The following PPFIBP2 variants were observed in gnomAD, a reference collection of about 807,000 sequenced individuals.
PPFIBP2 encodes the protein liprin-beta-2.
A neutral mutation model predicts 118.3 loss-of-function variants in PPFIBP2; 118 were observed. That is an observed-to-expected ratio of 1.00 (90% CI 0.86 to 1.16). PPFIBP2 has a LOEUF of 1.16. PPFIBP2 is among the 50% of genes most tolerant of loss of function. The pLI, the probability that PPFIBP2 is intolerant of heterozygous loss-of-function variation, is 0.00. For missense variants in PPFIBP2, 1,195 were observed against 1,073.1 expected (o/e 1.11, Z -1.59); for synonymous variants, 414 against 397.4 (o/e 1.04, Z -0.50).
At chr11:7,599,797 A>ATT (rs1200161212) in intron 5 of PPFIBP2, among the ~76,000 whole-genome samples, 1,965 of 117,364 alleles carry the variant, frequency 0.017, 42 homozygotes, top group African/African-American at 0.026. Context: ...CGCCCGGCTA[A>ATT]TTTTTTTTTT....
chr11:7,655,572 G>C, downstream of PPFIBP2: 2 of 1,176,486 alleles, frequency 1.7e-6, no homozygotes, highest in Non-Finnish European at 2.3e-6. Flanking sequence ...GGTGTGGTGT[G>C]GTATGCACAA....
At chr11:7,561,553 G>A (rs1171797229) in intron 2 of PPFIBP2, among the ~76,000 whole-genome samples, 1 of 152,070 alleles carries the variant, frequency 6.6e-6, no homozygotes, top group East Asian at 1.9e-4. Flanking sequence ...TTTTTTAAGT[G>A]TGTAATCTTT....
intron 2 of PPFIBP2, among the ~76,000 whole-genome samples, chr11:7,549,770 G>A (rs1293818776): frequency 1.3e-5 from 2 of 152,096 alleles, no homozygotes; most frequent in Admixed American, 6.5e-5. Context: ...CAGTGTGGAT[G>A]TACCTACCAT....
At position 7,651,888 on chromosome 11, in the gene PPFIBP2, G is replaced by T. The variant is rs779757900; in HGVS notation, c.2436+44G>T. 6.4e-6 allele frequency: 10 copies of T among 1,555,286 alleles called. No individual in the cohort carries two copies. The South Asian group carries it at 1.2e-4, about 18-fold the overall frequency. On this transcript the variant is annotated intron_variant, in intron 23 of 23. Transcript: ENST00000299492. The stretch of plus-strand genomic sequence containing the variant: ...CTGGGTGGGCCCTGGGCTGCCTCCT[G>T]GCCCTCACGCAGCACAGCACCTGGC...
At chr11:7,613,551 T>C (rs1326469600) in intron 6 of PPFIBP2, among the ~76,000 whole-genome samples, 2 of 152,126 alleles carry the variant, frequency 1.3e-5, no homozygotes, top group African/African-American at 2.4e-5. Flanking sequence ...ATTGGGTGAA[T>C]TAGACGTATT....
chr11:7,575,873 G>C lies in PPFIBP2; in HGVS notation c.279+10106G>C, dbSNP rs193221809. ...GAGCAGGGCCAGAGGTGAGGAGCAAGGGGCTAGAGCTCAGCGCATGGGCAG... is the reference window on the plus strand; with the variant it reads ...GAGCAGGGCCAGAGGTGAGGAGCAACGGGCTAGAGCTCAGCGCATGGGCAG... On this transcript the variant is annotated intron_variant, in intron 3 of 23. Coordinates refer to ENST00000299492, the MANE Select transcript of PPFIBP2 (RefSeq NM_003621.5). Among the ~76,000 whole-genome samples the C allele has an allele frequency of 3.9e-5, 6 of 152,356 alleles. No homozygotes were observed. The East Asian group carries it at 9.7e-4, about 25-fold the overall frequency.
intron 11 of PPFIBP2, chr11:7,631,384 G>A (rs556836497): frequency 4.3e-4 from 88 of 203,810 alleles, no homozygotes; most frequent in South Asian, 6.6e-4. Flanking sequence ...AGTAATGCCC[G>A]ATACCCAGTA....
At chr11:7,648,341 T>G (rs1853431268) in intron 17 of PPFIBP2, 46 bp from the exon 18 acceptor site, 12 of 1,571,122 alleles carry the variant, frequency 7.6e-6, no homozygotes, top group Non-Finnish European at 1.0e-5. Flanking sequence ...ATTCAGAACC[T>G]CAGGCTCTCC....
intron 4 of PPFIBP2, 78 bp downstream of exon 4, chr11:7,593,302 A>T (rs1038277648): frequency 1.3e-6 from 2 of 1,520,240 alleles, no homozygotes; most frequent in African/African-American, 2.8e-5. Context: ...AGGGAAGCCC[A>T]AGAGATTTTC....
intron 12 of PPFIBP2, among the ~76,000 whole-genome samples, chr11:7,633,546 A>G (rs1851058440): frequency 6.6e-6 from 1 of 152,160 alleles, no homozygotes; most frequent in Admixed American, 6.5e-5. Flanking sequence ...AGGTACTGGC[A>G]ACCACTACCA....
chr11:7,648,270 A>T, intron 17 of PPFIBP2, 117 bp from the exon 18 acceptor site: 1 of 1,237,232 alleles, frequency 8.1e-7, no homozygotes, highest in East Asian at 2.5e-5. Flanking sequence ...TTGTTTGTTA[A>T]AAAACAGGTT....
At chr11:7,586,511 C>G (rs1858218066) in intron 3 of PPFIBP2, among the ~76,000 whole-genome samples, 1 of 152,188 alleles carries the variant, frequency 6.6e-6, no homozygotes, top group Admixed American at 6.5e-5. Context: ...AAAGAGCACT[C>G]TGTAGTTTTA....
downstream of PPFIBP2, among the ~76,000 whole-genome samples, chr11:7,654,800 C>A (rs546213937): frequency 6.6e-6 from 1 of 152,222 alleles, no homozygotes; most frequent in Non-Finnish European, 1.5e-5. Flanking sequence ...GCCACTGATT[C>A]TCTGCACCCT....
rs867942285 is a variant in PPFIBP2, at chr11:7,610,200, C to T, written c.487-91C>T. The T allele has an allele frequency of 4.1e-6, 6 of 1,453,768 alleles. No homozygotes were observed. In the African/African-American group the frequency reaches 8.4e-5, roughly 20 times the overall value. The allele number at this position is 1,453,768 out of a possible 1,614,324, so 90.1% of individuals were successfully genotyped here. On this transcript the variant is annotated intron_variant, in intron 5 of 23. Transcript: ENST00000299492. The stretch of plus-strand genomic sequence containing the variant: ...CAATTCTGTGTTGTTGAACACACAA[C>T]TTAGGTGTTGCCTTATGTGCTGTAA...
At chr11:7,554,276 A>G (rs1238101758) in intron 2 of PPFIBP2, among the ~76,000 whole-genome samples, 1 of 152,214 alleles carries the variant, frequency 6.6e-6, no homozygotes, top group East Asian at 1.9e-4. Context: ...CCTCCCAAAT[A>G]GTAACCACTT....
At chr11:7,521,453 G>A (rs74843436) in intron 1 of PPFIBP2, among the ~76,000 whole-genome samples, 6,819 of 152,268 alleles carry the variant, frequency 0.045, 216 homozygotes, top group Non-Finnish European at 0.072. Context: ...GTGCCTATCT[G>A]CATTTGCATA....
rs74661888 is a variant in PPFIBP2, at chr11:7,616,690, A to G, written c.619-4245A>G. 9.0e-4 allele frequency among the ~76,000 whole-genome samples: 137 copies of G among 152,194 alleles called. 1 individual carries two copies. The East Asian group carries it at 0.019, about 21-fold the overall frequency. On this transcript the variant is annotated intron_variant, in intron 6 of 23. Coordinates refer to ENST00000299492, the MANE Select transcript of PPFIBP2 (RefSeq NM_003621.5). This position sits in a 1 kb window ranked among gnomAD's most constrained non-coding sequence, Gnocchi z 5.2. ...GATGTGTGCCATATGTCCCCTGTGC[A>G]TAGGTGCTGACACGTTGGGTGTTTG...
At chr11:7,631,979 G>A (rs1850821069) in intron 11 of PPFIBP2, among the ~76,000 whole-genome samples, 1 of 152,210 alleles carries the variant, frequency 6.6e-6, no homozygotes, top group African/African-American at 2.4e-5. Context: ...AGGATCTAGA[G>A]AAAAGAGGCA....
At chr11:7,533,400 C>A (rs913309298) in intron 1 of PPFIBP2, among the ~76,000 whole-genome samples, 1 of 152,200 alleles carries the variant, frequency 6.6e-6, no homozygotes, top group African/African-American at 2.4e-5. Context: ...TTTGTGTCAA[C>A]AAACATTTAC....
Sources: gnomAD v4.1 joint callset for allele counts (sites outside exome capture counted in the v4.1 genomes callset) on GRCh38, gnomAD v4.1.1 for gene constraint, Gnocchi (gnomAD v3.1) non-coding constraint, MANE v1.5 for transcripts, NCBI Gene and HGNC (gene_info 2026-07-23, HGNC 2026-07-21) for gene names.